Variants in KCNJ18 observed in about 807,000 individuals in gnomAD.
KCNJ18 encodes the protein inward rectifier potassium channel 18.
In KCNJ18, 16 loss-of-function variants were observed where a neutral mutation model predicts 17.3. The ratio of observed to expected loss-of-function variants is 0.92; its 90% CI spans 0.62 to 1.40. The LOEUF is 1.40. KCNJ18 is among the 40% of genes most tolerant of loss of function. KCNJ18 has a pLI of 0.00. For synonymous variants in KCNJ18, 185 were observed against 262.6 expected (o/e 0.70, Z 2.86); for missense variants, 462 against 626.8 (o/e 0.74, Z 2.81).
Position 21,702,921 on chromosome 17 carries a change from C to T in KCNJ18, c.135C>T (p.Arg45=). 1.9e-6 allele frequency: 3 copies of T among 1,593,228 alleles called. No homozygotes were observed. The highest frequency in any genetic ancestry group is 1.7e-6 in the Non-Finnish European group (2 of 1,173,026). The part of the protein sequence containing the change: ...KVHTRRRCRN[R]FVKKNGQCNI... Reference sequence around the variant, plus strand: ...ACACGCGGCGCAGGTGCCGCAACCGCTTCGTCAAGAAGAATGGCCAGTGCA... The same window carrying T: ...ACACGCGGCGCAGGTGCCGCAACCGTTTCGTCAAGAAGAATGGCCAGTGCA... Residue 45 remains arginine, a synonymous_variant, in exon 3 of 3, where the codon CGC becomes CGT. Coordinates refer to ENST00000567955, the MANE Select transcript of KCNJ18 (RefSeq NM_001194958.2).
chr17:21,701,835 T>C (rs1381223339), intron 2 of KCNJ18, among the ~76,000 whole-genome samples: 146 of 2,044 alleles, frequency 0.071, no homozygotes, highest in South Asian at 0.21. Flanking sequence ...CGCTTGAACC[T>C]AGGAGGCGGA....
rs1409450852 is a variant in KCNJ18, at chr17:21,702,928, A to C, written c.142A>C (p.Lys48Gln). 16 of 1,592,504 alleles carry C rather than the reference A, an allele frequency of 1.0e-5. No individual in the cohort carries two copies. The highest frequency in any genetic ancestry group is 5.4e-5 in the African/African-American group (4 of 74,522). ...GCGCAGGTGCCGCAACCGCTTCGTC[A>C]AGAAGAATGGCCAGTGCAACATTGC... ...TRRRCRNRFV[K>Q]KNGQCNIAFA... The change falls in exon 3 of 3, where the codon AAG (lysine) becomes CAG (glutamine). Residue 48 changes from lysine to glutamine, a missense_variant. By Grantham distance (53) the Lys-to-Gln change is moderately conservative. This residue lies in a region of KCNJ18 where 237 missense variants were observed against 259.4 expected (regional missense o/e 0.91). Transcript: ENST00000567955.
intron 2 of KCNJ18, among the ~76,000 whole-genome samples, chr17:21,697,460 A>G (rs1426317076): frequency 6.6e-6 from 1 of 152,306 alleles, no homozygotes; most frequent in Non-Finnish European, 1.5e-5. Context: ...TTCTTCCCAG[A>G]TTATGAGACA....
intron 1 of KCNJ18, among the ~76,000 whole-genome samples, chr17:21,693,113 A>G (rs1195610781): frequency 3.9e-5 from 6 of 152,298 alleles, no homozygotes; most frequent in Admixed American, 3.9e-4. Context: ...GATTGTGACC[A>G]TAACCCCGGG....
intron 2 of KCNJ18, among the ~76,000 whole-genome samples, chr17:21,699,260 G>A (rs1186387420): frequency 1.3e-5 from 2 of 152,202 alleles, no homozygotes; most frequent in African/African-American, 4.8e-5. Context: ...GTCCCTGGTG[G>A]AGGATATTGT....
intron 2 of KCNJ18, among the ~76,000 whole-genome samples, chr17:21,696,551 C>T (rs1275873533): frequency 6.6e-6 from 1 of 152,238 alleles, no homozygotes; most frequent in Non-Finnish European, 1.5e-5. Flanking sequence ...CCTGGGTGCC[C>T]CTCTTTGCTA....
At chr17:21,700,836 ATCCC>A in intron 2 of KCNJ18, among the ~76,000 whole-genome samples, 1 of 104,200 alleles carries the variant, frequency 9.6e-6, no homozygotes, top group Non-Finnish European at 2.0e-5. Context: ...CAGTGGTGCC[ATCCC>A]CCCAGGATGT....
Position 21,696,794 on chromosome 17 carries a change from A to G in KCNJ18, c.-57+690A>G, listed in dbSNP as rs1298599256. On this transcript the variant is annotated intron_variant, in intron 2 of 2. Coordinates refer to ENST00000567955, the MANE Select transcript of KCNJ18 (RefSeq NM_001194958.2). The stretch of plus-strand genomic sequence containing the variant: ...GGAAGAGCAGGAGGAGACTTGGTGT[A>G]CAGCATCCAGGAGGGGAGGCCAGGG... Among the ~76,000 whole-genome samples the G allele has an allele frequency of 2.0e-3, 299 of 149,806 alleles. 1 individual carries two copies. Among genetic ancestry groups the G allele is most frequent in the Middle Eastern group, 6.9e-3 (2 of 288 alleles).
intron 2 of KCNJ18, among the ~76,000 whole-genome samples, chr17:21,699,467 G>T (rs1452134226): frequency 6.6e-6 from 1 of 152,052 alleles, no homozygotes; most frequent in Non-Finnish European, 1.5e-5. Context: ...CAGCACCCCT[G>T]GGGAGGGTCT....
chr17:21,702,607 C>G lies in KCNJ18; in HGVS notation c.-56-124C>G, dbSNP rs1282549981. 4 of 800,196 alleles carry G rather than the reference C, an allele frequency of 5.0e-6. No homozygotes were observed. In the African/African-American group the frequency reaches 7.0e-5, roughly 14 times the overall value. The allele number at this position is 800,196 out of a possible 1,614,324, so 49.6% of individuals were successfully genotyped here. ...AGTGGGGAGCTGGCTTAGGCAAGAC[C>G]AGAGCATGATTGTGGGTCAATCAGG... On this transcript the variant is annotated intron_variant, in intron 2 of 2. Transcript: ENST00000567955.
At chr17:21,693,269 C>G (rs1399341975) in intron 1 of KCNJ18, among the ~76,000 whole-genome samples, 1 of 152,276 alleles carries the variant, frequency 6.6e-6, no homozygotes, top group African/African-American at 2.4e-5. Flanking sequence ...AAATTCGCTT[C>G]TCTGCTCTAC....
chr17:21,701,868 G>C (rs1196159877), intron 2 of KCNJ18, among the ~76,000 whole-genome samples: 1 of 152,144 alleles, frequency 6.6e-6, no homozygotes, highest in Non-Finnish European at 1.5e-5. Flanking sequence ...CTGAAATTGC[G>C]CCATTGCATT....
intron 2 of KCNJ18, 67 bp from the exon 3 acceptor site, chr17:21,702,664 C>T: frequency 9.2e-7 from 1 of 1,081,564 alleles, no homozygotes; most frequent in Non-Finnish European, 1.3e-6. Context: ...GTCTGGGGGC[C>T]CTGGGATGGG....
At chr17:21,698,854 G>T (rs1402068568) in intron 2 of KCNJ18, among the ~76,000 whole-genome samples, 87 of 152,324 alleles carry the variant, frequency 5.7e-4, no homozygotes, top group Non-Finnish European at 8.1e-4. Context: ...GGGGTCTGCC[G>T]GGCCCGCGCT....
chr17:21,693,430 AG>A (rs1309313987), intron 1 of KCNJ18, among the ~76,000 whole-genome samples: 2 of 152,308 alleles, frequency 1.3e-5, no homozygotes, highest in Non-Finnish European at 2.9e-5. Flanking sequence ...CCAGGTGACC[AG>A]CAGGATGTGG....
chr17:21,701,842 C>T (rs1419873818), intron 2 of KCNJ18, among the ~76,000 whole-genome samples: 5 of 150,566 alleles, frequency 3.3e-5, no homozygotes, highest in African/African-American at 4.9e-5. Context: ...ACCTAGGAGG[C>T]GGAGATGGCA....
chr17:21,696,717 G>A (rs1317141029), intron 2 of KCNJ18, among the ~76,000 whole-genome samples: 1 of 152,090 alleles, frequency 6.6e-6, no homozygotes, highest in Non-Finnish European at 1.5e-5. Flanking sequence ...AGGAGGAGGT[G>A]GAGGAGGCGG....
chr17:21,702,322 G>T (rs1219338422), intron 2 of KCNJ18, among the ~76,000 whole-genome samples: 1 of 151,988 alleles, frequency 6.6e-6, no homozygotes, highest in Non-Finnish European at 1.5e-5. Context: ...GGAGGGATAG[G>T]CACCGACTCA....
intron 2 of KCNJ18, among the ~76,000 whole-genome samples, chr17:21,699,909 G>T (rs1905885951): frequency 6.6e-6 from 1 of 152,276 alleles, no homozygotes; most frequent in Non-Finnish European, 1.5e-5. Flanking sequence ...GCTTTGAGCT[G>T]CTTGGAGCAG....
Sources: allele counts gnomAD v4.1 joint callset (sites outside exome capture counted in the v4.1 genomes callset), GRCh38; gene constraint gnomAD v4.1.1; regional missense constraint gnomAD v4.1.1; transcripts MANE v1.5; gene names NCBI Gene and HGNC (gene_info 2026-07-23, HGNC 2026-07-21).